NAV3: variants seen among roughly 807,000 people sequenced by gnomAD.
The protein encoded by NAV3 is neuron navigator 3.
In NAV3, 87 loss-of-function variants were observed where a neutral mutation model predicts 244.7. The observed-to-expected ratio is 0.36, with a 90% confidence interval of 0.30 to 0.42. The LOEUF (loss-of-function observed/expected upper bound fraction) is 0.42, where lower values mean the gene tolerates loss of function less well. Among genes scored for constraint, NAV3 ranks in the 20% least tolerant of loss-of-function variants. The pLI, the probability that NAV3 is intolerant of heterozygous loss-of-function variation, is 1.00. For missense variants in NAV3, 2,663 were observed against 2,893.3 expected, an observed-to-expected ratio of 0.92 and a Z score of 1.83; for synonymous variants, 1,126 against 1,042.2, an observed-to-expected ratio of 1.08 and a Z score of -1.55.
At chr12:77,629,019 G>T (rs571409722) in intron 2 of NAV3, among the ~76,000 whole-genome samples, 1 of 152,026 alleles carries the variant, frequency 6.6e-6, no homozygotes, top group East Asian at 1.9e-4. Context: ...TGCTTAGTAG[G>T]TAAACCTTAA....
intron 11 of NAV3, among the ~76,000 whole-genome samples, chr12:78,055,942 T>C (rs922953258): frequency 2.5e-4 from 38 of 152,216 alleles, no homozygotes; most frequent in African/African-American, 9.2e-4. Context: ...CTGCTTCATT[T>C]AAAACATGAT....
chr12:77,968,435 A>G (rs1196962803), intron 4 of NAV3, 84 bp from the exon 5 acceptor site: 2 of 1,078,964 alleles, frequency 1.9e-6, no homozygotes, highest in Non-Finnish European at 2.8e-6. Flanking sequence ...TCATAGATTT[A>G]TTTCAAGAGA....
Position 78,211,880 on chromosome 12 carries a change from C to T in NAV3, c.*1363C>T, listed in dbSNP as rs1413391268. ...ACTGTAAAAGAAGGTTAGATTTGCA[C>T]AGTCTACTGGGTAGGTATTGTAAAT... On this transcript the variant is annotated 3_prime_UTR_variant, in exon 40 of 40. Coordinates refer to ENST00000397909, the MANE Select transcript of NAV3 (RefSeq NM_001024383.2). 1 of 152,598 alleles carries T rather than the reference C, an allele frequency of 6.6e-6. No homozygotes were observed. The highest frequency in any genetic ancestry group is 2.4e-5 in the African/African-American group (1 of 41,454). The allele number at this position is 152,598 out of a possible 1,614,324, so 9.5% of individuals were successfully genotyped here.
chr12:78,095,123 A>G (rs1954182662), intron 12 of NAV3, among the ~76,000 whole-genome samples: 1 of 150,858 alleles, frequency 6.6e-6, no homozygotes, highest in East Asian at 1.9e-4. Flanking sequence ...ACACATACAT[A>G]TGTATATACA....
chr12:78,036,282 G>GT (rs1879864270), intron 9 of NAV3: 1 of 152,334 alleles, frequency 6.6e-6, no homozygotes, highest in Admixed American at 6.5e-5. Flanking sequence ...ATACTAAAAT[G>GT]TAAGAGGCTT....
intron 34 of NAV3, among the ~76,000 whole-genome samples, chr12:78,194,378 C>T (rs1959110639): frequency 6.6e-6 from 1 of 151,966 alleles, no homozygotes; most frequent in Non-Finnish European, 1.5e-5. Context: ...TTAAATTTCC[C>T]TTCTCTCTTT....
chr12:77,861,408 T>C (rs1267627016), intron 1 of NAV3, among the ~76,000 whole-genome samples: 1 of 151,834 alleles, frequency 6.6e-6, no homozygotes, highest in Non-Finnish European at 1.5e-5. Flanking sequence ...TATATTCTGG[T>C]CAAATGCTAA....
intron 5 of NAV3, among the ~76,000 whole-genome samples, chr12:77,982,461 A>G (rs891168008): frequency 2.0e-5 from 3 of 152,196 alleles, no homozygotes; most frequent in Non-Finnish European, 4.4e-5. Context: ...TAATTAATTC[A>G]ACAAAGCACA....
chr12:78,183,175 A>AAAAC (rs1268223958), intron 30 of NAV3, among the ~76,000 whole-genome samples: 1 of 151,966 alleles, frequency 6.6e-6, no homozygotes, highest in African/African-American at 2.4e-5. Flanking sequence ...AAACAAAACA[A>AAAAC]AAACAAACAA....
intron 2 of NAV3, among the ~76,000 whole-genome samples, chr12:77,696,073 A>G (rs980935223): frequency 1.3e-5 from 2 of 152,174 alleles, no homozygotes; most frequent in Non-Finnish European, 2.9e-5. Context: ...AAGATTAGCT[A>G]CTAAATCTTA....
intron 2 of NAV3, chr12:77,775,875 T>G (rs1047412375): frequency 1.3e-5 from 2 of 152,236 alleles, no homozygotes; most frequent in African/African-American, 4.8e-5. Flanking sequence ...GGGAGTAGCA[T>G]GTAAATAGAA....
Position 78,039,426 on chromosome 12 carries a change from G to T in NAV3, c.2024-10567G>T, listed in dbSNP as rs1380878911. Among the ~76,000 whole-genome samples, 4 of 151,978 alleles carry T rather than the reference G, an allele frequency of 2.6e-5. No individual in the cohort carries two copies. The East Asian group carries it at 7.7e-4, about 29-fold the overall frequency. ...TTTTAAAAGTAACTATAAAGCTTTT[G>T]GCCATATTTTGCTATTTTTCTCCAA... On this transcript the variant is annotated intron_variant, in intron 9 of 39. Transcript: ENST00000397909.
intron 5 of NAV3, among the ~76,000 whole-genome samples, chr12:77,988,016 G>C (rs181854176): frequency 6.6e-6 from 1 of 152,256 alleles, no homozygotes; most frequent in Admixed American, 6.5e-5. Context: ...TAAGAAGGAG[G>C]CTGCTGACAT....
intron 2 of NAV3, among the ~76,000 whole-genome samples, chr12:77,652,331 C>T (rs190888269): frequency 5.5e-4 from 83 of 152,232 alleles, no homozygotes; most frequent in African/African-American, 1.9e-3. Context: ...AACACTATGC[C>T]GTGTTGCTTC....
At position 78,201,857 on chromosome 12, in the gene NAV3, A is replaced by T. The variant is rs557831242; in HGVS notation, c.6834+1266A>T. ...TGTCTTTATTTTGCTATCTAAAAAA[A>T]TTGTCCATCTATTTTTCCCTCTTTT... On this transcript the variant is annotated intron_variant, in intron 38 of 39. Coordinates refer to ENST00000397909, the MANE Select transcript of NAV3 (RefSeq NM_001024383.2). 5.8e-3 allele frequency among the ~76,000 whole-genome samples: 886 copies of T among 152,030 alleles called. 10 individuals are homozygous for T. Among genetic ancestry groups the T allele is most frequent in the African/African-American group, 0.02 (836 of 41,494 alleles).
Position 77,695,998 on chromosome 12 carries a change from C to A in NAV3, c.72+123732C>A, listed in dbSNP as rs1455844020. ...ATGCAAAAATCCTTTTGTGTCCATC[C>A]TTATCTTTAGAGGTAGGAATAACAC... On this transcript the variant is annotated intron_variant, in intron 2 of 8. Transcript: ENST00000550042. 2.0e-5 allele frequency among the ~76,000 whole-genome samples: 3 copies of A among 152,086 alleles called. No individual in the cohort carries two copies. The East Asian group carries it at 5.8e-4, about 29-fold the overall frequency.
At chr12:77,613,385 G>A (rs965594655) in intron 2 of NAV3, among the ~76,000 whole-genome samples, 5 of 152,162 alleles carry the variant, frequency 3.3e-5, no homozygotes, top group African/African-American at 1.2e-4. Flanking sequence ...GGCATTGGGA[G>A]CATTGCAGTG....
At position 77,893,670 on chromosome 12, in the gene NAV3, C is replaced by T. The variant is rs1342085539; in HGVS notation, c.244-46649C>T. Among the ~76,000 whole-genome samples, 11 of 151,480 alleles carry T rather than the reference C, an allele frequency of 7.3e-5. 1 individual carries two copies. The highest frequency in any genetic ancestry group is 7.2e-4 in the Admixed American group (11 of 15,204). On this transcript the variant is annotated intron_variant, in intron 1 of 39. Transcript: ENST00000397909. ...TTCAAGGATGAGTTTTACTCAAAGACAAAAATCAAGAATAGTAAGTAGAAT... is the reference window on the plus strand; with the variant it reads ...TTCAAGGATGAGTTTTACTCAAAGATAAAAATCAAGAATAGTAAGTAGAAT...
intron 39 of NAV3, among the ~76,000 whole-genome samples, chr12:78,207,015 T>G (rs796291667): frequency 4.6e-5 from 7 of 152,032 alleles, no homozygotes; most frequent in African/African-American, 1.7e-4. Context: ...TGCACCACCA[T>G]GCCTGGCTAA....
Sources: allele counts gnomAD v4.1 joint callset (sites outside exome capture counted in the v4.1 genomes callset), GRCh38; gene constraint gnomAD v4.1.1; transcripts MANE v1.5; gene names NCBI Gene and HGNC (gene_info 2026-07-23, HGNC 2026-07-21).